The following PTPRG variants were observed in gnomAD, a reference collection of about 807,000 sequenced individuals.
The protein encoded by PTPRG is protein tyrosine phosphatase receptor type G.
In PTPRG, 102 loss-of-function variants were observed where a neutral mutation model predicts 165.3. The ratio of observed to expected loss-of-function variants is 0.62; its 90% confidence interval spans 0.53 to 0.73. PTPRG has a LOEUF of 0.73. Ranked by LOEUF, PTPRG falls within the 30% of genes least tolerant of loss-of-function variation. PTPRG has a pLI of 0.00. For synonymous variants in PTPRG, 675 were observed against 669.5 expected, an observed-to-expected ratio of 1.01 and a Z score of -0.13; for missense variants, 1,866 against 1,861.4, an observed-to-expected ratio of 1.00 and a Z score of -0.05.
chr3:62,204,806 C>T (rs1700187036), intron 12 of PTPRG, among the ~76,000 whole-genome samples: 1 of 152,150 alleles, frequency 6.6e-6, no homozygotes, highest in African/African-American at 2.4e-5. Flanking sequence ...ATCCTCATCT[C>T]CTGGTGGCAA....
chr3:62,088,195 G>T (rs190104607), intron 5 of PTPRG, among the ~76,000 whole-genome samples: 27 of 152,212 alleles, frequency 1.8e-4, no homozygotes, highest in Non-Finnish European at 3.7e-4. Flanking sequence ...GGCATCTCAC[G>T]GAGAGTGCCC....
chr3:61,884,367 G>A (rs1480225768), intron 2 of PTPRG, among the ~76,000 whole-genome samples: 1 of 152,158 alleles, frequency 6.6e-6, no homozygotes, highest in African/African-American at 2.4e-5. Flanking sequence ...AGCATATGTT[G>A]GGTCAGCCCT....
intron 4 of PTPRG, among the ~76,000 whole-genome samples, chr3:62,056,775 G>A (rs1267206357): frequency 6.6e-6 from 1 of 152,154 alleles, no homozygotes; most frequent in Admixed American, 6.5e-5. Context: ...ATGACATGTG[G>A]CTAAACTGTG....
chr3:62,271,615 C>G lies in PTPRG; in HGVS notation c.3182+60C>G, dbSNP rs1208534692. The G allele has an allele frequency of 6.1e-6, 9 of 1,469,132 alleles. No homozygotes were observed. Among genetic ancestry groups the G allele is most frequent in the African/African-American group, 1.4e-5 (1 of 71,004 alleles). 91.0% of individuals were successfully genotyped at this position (1,469,132 alleles called of 1,614,324 possible). A position where few individuals can be genotyped will look rare whatever the true frequency, so the allele number is the denominator to read the frequency against. ...GGCAGGGGACTTAGGCCTCAGTGAC[C>G]TTGGACCACAATGATTGCTACTGCT... On this transcript the variant is annotated intron_variant, in intron 21 of 29. Transcript: ENST00000474889. The surrounding 1 kb of genome is among the most constrained non-coding windows in gnomAD (Gnocchi z 4.1).
At chr3:62,147,660 A>C (rs978940384) in intron 6 of PTPRG, among the ~76,000 whole-genome samples, 3 of 152,324 alleles carry the variant, frequency 2.0e-5, no homozygotes, top group Admixed American at 6.5e-5. Flanking sequence ...TTTGTTATTT[A>C]AAATATACCA....
intron 7 of PTPRG, among the ~76,000 whole-genome samples, chr3:62,164,857 G>T (rs1481630021): frequency 1.3e-5 from 2 of 152,170 alleles, no homozygotes; most frequent in Non-Finnish European, 2.9e-5. Context: ...TAAACAAACT[G>T]CAGAGTCGTA....
intron 1 of PTPRG, among the ~76,000 whole-genome samples, chr3:61,607,102 A>T (rs115264405): frequency 0.011 from 1,747 of 152,302 alleles, 33 homozygotes; most frequent in African/African-American, 0.04. Flanking sequence ...TTGGGCAGGT[A>T]AGGATAACAC....
At chr3:61,977,573 G>C (rs1250464458) in intron 2 of PTPRG, among the ~76,000 whole-genome samples, 1 of 142,052 alleles carries the variant, frequency 7.0e-6, no homozygotes, top group African/African-American at 2.8e-5. Context: ...ATATATTTCT[G>C]TAATAATAGT....
chr3:61,682,577 A>G (rs1292729748), intron 1 of PTPRG, among the ~76,000 whole-genome samples: 3 of 152,136 alleles, frequency 2.0e-5, no homozygotes, highest in Non-Finnish European at 4.4e-5. Flanking sequence ...TTCATTTATC[A>G]TTTCTGTCCA....
chr3:61,742,380 G>C (rs1980284), intron 1 of PTPRG: 2 of 1,083,302 alleles, frequency 1.8e-6, no homozygotes, highest in African/African-American at 3.2e-5. Context: ...TTTATAGGAA[G>C]AAATTGGGCC....
At chr3:62,033,124 T>TA (rs1425178022) in intron 4 of PTPRG, among the ~76,000 whole-genome samples, 1 of 152,018 alleles carries the variant, frequency 6.6e-6, no homozygotes, top group East Asian at 1.9e-4. Context: ...CATCTGGAAA[T>TA]ACTCTTTCCC....
chr3:62,008,290 C>A (rs2041342834), intron 4 of PTPRG, among the ~76,000 whole-genome samples: 1 of 152,134 alleles, frequency 6.6e-6, no homozygotes, highest in African/African-American at 2.4e-5. Context: ...TCATTGCATG[C>A]TTGTTGTTTG....
chr3:62,015,829 G>A (rs1018613252), intron 4 of PTPRG, among the ~76,000 whole-genome samples: 2 of 152,134 alleles, frequency 1.3e-5, no homozygotes, highest in African/African-American at 2.4e-5. Context: ...GATGCTCGTG[G>A]AGGGGATATC....
intron 1 of PTPRG, among the ~76,000 whole-genome samples, chr3:61,573,328 A>G (rs915150553): frequency 1.3e-5 from 2 of 152,218 alleles, no homozygotes; most frequent in African/African-American, 4.8e-5. Flanking sequence ...GAGATGCCAT[A>G]TTAGTGGGTC....
chr3:61,990,131 C>T (rs2040850208), intron 3 of PTPRG, among the ~76,000 whole-genome samples: 1 of 151,792 alleles, frequency 6.6e-6, no homozygotes, highest in African/African-American at 2.4e-5. Context: ...AGCCACTAGC[C>T]ACATGTGACT....
At chr3:61,853,534 A>G (rs975925944) in intron 2 of PTPRG, among the ~76,000 whole-genome samples, 3 of 152,330 alleles carry the variant, frequency 2.0e-5, no homozygotes, top group South Asian at 4.1e-4. Context: ...CCTCCAGTCC[A>G]TGTTAAGCCT....
At chr3:62,034,733 C>T (rs1221532301) in intron 4 of PTPRG, among the ~76,000 whole-genome samples, 1 of 152,170 alleles carries the variant, frequency 6.6e-6, no homozygotes, top group Non-Finnish European at 1.5e-5. Context: ...AATGTCCGTG[C>T]TGGCAGCGGA....
chr3:61,725,584 A>G (rs1357531765), intron 1 of PTPRG, among the ~76,000 whole-genome samples: 1 of 152,044 alleles, frequency 6.6e-6, no homozygotes, highest in Non-Finnish European at 1.5e-5. Flanking sequence ...ATCTCAGCCT[A>G]TACCACATAG....
At chr3:61,948,009 C>A (rs1283163576) in intron 2 of PTPRG, among the ~76,000 whole-genome samples, 3 of 152,012 alleles carry the variant, frequency 2.0e-5, no homozygotes, top group East Asian at 3.9e-4. Flanking sequence ...ACGGAAAACA[C>A]GTATCCCATA....
Sources: allele counts gnomAD v4.1 joint callset (sites outside exome capture counted in the v4.1 genomes callset), GRCh38; gene constraint gnomAD v4.1.1; non-coding constraint Gnocchi (gnomAD v3.1); transcripts MANE v1.5; gene names NCBI Gene and HGNC (gene_info 2026-07-23, HGNC 2026-07-21).